The following TBP variants were observed in gnomAD, a reference collection of about 807,000 sequenced individuals.
The protein encoded by TBP is TATA-box-binding protein.
Under a neutral mutation model 46.2 loss-of-function variants are expected in TBP, and 12 were observed. That is an observed-to-expected ratio of 0.26 (90% confidence interval 0.17 to 0.42). TBP has a LOEUF of 0.42. Among genes scored for constraint, TBP ranks in the 10% least tolerant of loss-of-function variants. The probability of loss-of-function intolerance (pLI) is 1.00; values close to 1 mark genes in which losing one functional copy is unlikely to be tolerated. For synonymous variants in TBP, 157 were observed against 148.3 expected (o/e 1.06, Z -0.42); for missense variants, 229 against 403.1 (o/e 0.57, Z 3.70).
chr6:170,562,808 T>C (rs561304917), intron 3 of TBP, among the ~76,000 whole-genome samples: 1 of 152,334 alleles, frequency 6.6e-6, no homozygotes, highest in African/African-American at 2.4e-5. Flanking sequence ...CCAGCAAATA[T>C]TTCCAAATAA....
rs1491171766 is a variant in TBP at position 170,561,960 on chromosome 6, AGC to A, written c.225_226del (p.Gln76AlafsTer101). 2.7e-5 allele frequency: 7 copies of A among 263,960 alleles called. No homozygotes were observed. The highest frequency in any genetic ancestry group is 1.6e-4 in the African/African-American group (6 of 37,318). The allele number at this position is 263,960 out of a possible 1,614,324, so 16.4% of individuals were successfully genotyped here. On this transcript the variant is annotated frameshift_variant, in exon 3 of 8. Coordinates refer to ENST00000392092, the MANE Select transcript of TBP (RefSeq NM_003194.5). LOFTEE classifies it high-confidence loss of function. ...CAGCAGCAGCAGCAGCAACAGCAAC[AGC>A]AGCAGCAGCAGCAGCAGCAGCAGCA...
At chr6:170,566,372 T>A (rs1023898333) in intron 4 of TBP, among the ~76,000 whole-genome samples, 3 of 152,230 alleles carry the variant, frequency 2.0e-5, no homozygotes, top group African/African-American at 7.2e-5. Flanking sequence ...AACTGTGTTT[T>A]TTTCCTAATT....
chr6:170,562,053 C>A lies in TBP; in HGVS notation c.317C>A (p.Thr106Lys). The change falls in exon 3 of 8, where the codon ACG (threonine) becomes AAG (lysine). Residue 106 changes from threonine (T) to lysine (K), a missense_variant. By Grantham distance (78) the Thr-to-Lys change is moderately conservative (BLOSUM62 -1). Around this residue, in one of 4 missense-constraint regions of TBP, gnomAD observed 69 missense variants for 66.2 expected, o/e 1.04. Transcript: ENST00000392092. ...GCAGCTGCAGCCGTTCAGCAGTCAACGTCCCAGCAGGCAACACAGGGAACC... is the reference window on the plus strand; with the variant it reads ...GCAGCTGCAGCCGTTCAGCAGTCAAAGTCCCAGCAGGCAACACAGGGAACC... ...AVAAAAVQQS[T>K]SQQATQGTSG... 1.2e-6 allele frequency: 2 copies of A among 1,613,810 alleles called. No individual in the cohort carries two copies. Among genetic ancestry groups the A allele is most frequent in the South Asian group, 2.2e-5 (2 of 91,016 alleles).
rs1290125655 is a variant in TBP, at chr6:170,561,957, A to AGC, written c.221_222insGC (p.Gln75HisfsTer70). ...CAGCAGCAGCAGCAGCAGCAACAGC[A>AGC]ACAGCAGCAGCAGCAGCAGCAGCAG... On this transcript the variant is annotated frameshift_variant, in exon 3 of 8. Coordinates refer to ENST00000392092, the MANE Select transcript of TBP (RefSeq NM_003194.5). LOFTEE classifies it high-confidence loss of function. 2.8e-4 allele frequency: 419 copies of AGC among 1,505,438 alleles called. 1 individual carries two copies. The East Asian group carries it at 4.6e-3, about 16-fold the overall frequency. The allele number at this position is 1,505,438 out of a possible 1,614,324, so 93.3% of individuals were successfully genotyped here.
intron 5 of TBP, 132 bp downstream of exon 5, chr6:170,567,141 A>G (rs1483247015): frequency 1.1e-5 from 4 of 363,074 alleles, no homozygotes; most frequent in Non-Finnish European, 1.9e-5. Context: ...TTTTAATATG[A>G]TTCTATTAAT....
chr6:170,556,336 A>G (rs896297439), intron 1 of TBP, among the ~76,000 whole-genome samples: 3 of 149,552 alleles, frequency 2.0e-5, no homozygotes, highest in African/African-American at 7.5e-5. Context: ...TTACATTTAT[A>G]AAAATTCAGG....
chr6:170,563,002 T>A (rs946731681), intron 3 of TBP, among the ~76,000 whole-genome samples: 1 of 152,200 alleles, frequency 6.6e-6, no homozygotes, highest in Non-Finnish European at 1.5e-5. Context: ...GGTTGTTGTT[T>A]ATAAGCTATC....
chr6:170,554,913 G>A (rs963460875), intron 1 of TBP, among the ~76,000 whole-genome samples: 15 of 152,288 alleles, frequency 9.8e-5, no homozygotes, highest in East Asian at 5.8e-4. Flanking sequence ...TAGCGCTTAA[G>A]ATATAATACA....
chr6:170,567,506 G>A (rs948473165), intron 5 of TBP: 6 of 152,226 alleles, frequency 3.9e-5, no homozygotes, highest in African/African-American at 1.4e-4. Flanking sequence ...AAAAAATTAG[G>A]TAAGATGTAA....
At chr6:170,562,772 G>C (rs1403811769) in intron 3 of TBP, among the ~76,000 whole-genome samples, 1 of 152,122 alleles carries the variant, frequency 6.6e-6, no homozygotes, top group Non-Finnish European at 1.5e-5. Flanking sequence ...AGTAGGGGTA[G>C]GAAATAATTT....
intron 6 of TBP, among the ~76,000 whole-genome samples, chr6:170,570,461 A>G (rs1196687903): frequency 1.3e-5 from 2 of 152,152 alleles, no homozygotes; most frequent in Admixed American, 1.3e-4. Flanking sequence ...ATTTTGTCTT[A>G]GGTCAGACAC....
intron 3 of TBP, among the ~76,000 whole-genome samples, chr6:170,562,467 C>G (rs2114995230): frequency 6.6e-6 from 1 of 152,252 alleles, no homozygotes; most frequent in East Asian, 1.9e-4. Context: ...GTTTACATAC[C>G]TGAGCCAATA....
intron 6 of TBP, 92 bp downstream of exon 6, chr6:170,569,871 A>G: frequency 8.3e-7 from 1 of 1,201,800 alleles, no homozygotes; most frequent in Non-Finnish European, 1.2e-6. Context: ...AATATTCAGT[A>G]TATGAGAACA....
chr6:170,564,438 A>C (rs1440910876), intron 3 of TBP, 107 bp from the exon 4 acceptor site: 3 of 708,474 alleles, frequency 4.2e-6, no homozygotes, highest in Non-Finnish European at 6.8e-6. Flanking sequence ...ATTAAAAAAA[A>C]GTAAAGCCTG....
rs750920664 is a variant in TBP at position 170,572,287 on chromosome 6, TC to T, written c.*27del. The T allele has an allele frequency of 1.6e-5, 24 of 1,542,796 alleles. No individual in the cohort carries two copies. The highest frequency in any genetic ancestry group is 2.4e-5 in the South Asian group (2 of 84,496). ...GTAATGGCTCTCATGTACCCTTGCC[TC>T]CCCCACCCCCTTCTTTTTTTTTTTT... On this transcript the variant is annotated 3_prime_UTR_variant, in exon 8 of 8. Transcript: ENST00000392092.
intron 5 of TBP, chr6:170,567,446 C>CT (rs1278860985): frequency 1.3e-5 from 2 of 152,434 alleles, no homozygotes; most frequent in Non-Finnish European, 2.9e-5. Context: ...GATCATGCTA[C>CT]TGTACTCCAG....
At position 170,562,049 on chromosome 6, in the gene TBP, T is replaced by C. The variant is rs779443911; in HGVS notation, c.313T>C (p.Ser105Pro). 8.1e-6 allele frequency: 13 copies of C among 1,613,010 alleles called. No individual in the cohort carries two copies. In the Admixed American group the frequency reaches 2.0e-4, roughly 25 times the overall value. ...AGTGGCAGCTGCAGCCGTTCAGCAG[T>C]CAACGTCCCAGCAGGCAACACAGGG... ...QAVAAAAVQQ[S>P]TSQQATQGTS... The change falls in exon 3 of 8, where the codon TCA becomes CCA. Residue 105 changes from serine to proline, a missense_variant. This residue lies in a region of TBP where 69 missense variants were observed against 66.2 expected (regional missense o/e 1.04). Transcript: ENST00000392092.
rs191076110 is a variant in TBP, at chr6:170,561,850, G to A, written c.114G>A (p.Leu38=). The A allele has an allele frequency of 2.0e-5, 32 of 1,614,076 alleles. No homozygotes were observed. The Middle Eastern group carries it at 9.9e-4, about 50-fold the overall frequency. ...CAATGATGCCTTATGGCACTGGACT[G>A]ACCCCACAGCCTATTCAGAACACCA... The part of the protein sequence containing the change: ...FSPMMPYGTG[L]TPQPIQNTNS... The change falls in exon 3 of 8, where the codon CTG becomes CTA. Residue 38 remains leucine (L), a synonymous_variant. Transcript: ENST00000392092.
At chr6:170,558,197 A>T (rs1779067935) in intron 2 of TBP, among the ~76,000 whole-genome samples, 1 of 152,210 alleles carries the variant, frequency 6.6e-6, no homozygotes. Flanking sequence ...CACTGTTTTT[A>T]CTTCTCATGG....
Sources: allele counts gnomAD v4.1 joint callset (sites outside exome capture counted in the v4.1 genomes callset), GRCh38; gene constraint gnomAD v4.1.1; regional missense constraint gnomAD v4.1.1; transcripts MANE v1.5; gene names NCBI Gene and HGNC (gene_info 2026-07-23, HGNC 2026-07-21).